The following PTER variants were observed in gnomAD, a reference collection of about 807,000 sequenced individuals.
PTER encodes phosphotriesterase related.
A neutral mutation model predicts 29.6 loss-of-function variants in PTER; 38 were observed. The observed-to-expected ratio is 1.28, with a 90% CI of 0.99 to 1.68. The LOEUF (loss-of-function observed/expected upper bound fraction) is 1.68, where lower values mean the gene tolerates loss of function less well. Among genes scored for constraint, PTER ranks in the 40% most tolerant of loss-of-function variants. PTER has a pLI of 0.00. For missense variants in PTER, 482 were observed against 427.8 expected (o/e 1.13, Z -1.12); for synonymous variants, 172 against 154.5 (o/e 1.11, Z -0.84).
downstream of PTER, among the ~76,000 whole-genome samples, chr10:16,516,722 A>G (rs141157185): frequency 2.0e-3 from 308 of 152,324 alleles, 1 homozygote; most frequent in African/African-American, 7.3e-3. Flanking sequence ...CCAGGGTGTA[A>G]CCACAAAACC....
chr10:16,518,118 A>G (rs991053772), downstream of PTER, among the ~76,000 whole-genome samples: 8 of 152,226 alleles, frequency 5.3e-5, no homozygotes, highest in African/African-American at 1.9e-4. Flanking sequence ...GGAACCTGCC[A>G]TTCTAAGAAG....
intron 1 of PTER, among the ~76,000 whole-genome samples, chr10:16,442,740 G>C (rs1416421076): frequency 6.6e-6 from 1 of 152,188 alleles, no homozygotes; most frequent in East Asian, 1.9e-4. Flanking sequence ...AGCACTTTGG[G>C]AGACCAAGGC....
At chr10:16,466,880 A>G (rs963606946) in intron 1 of PTER, among the ~76,000 whole-genome samples, 28 of 152,298 alleles carry the variant, frequency 1.8e-4, no homozygotes, top group African/African-American at 6.3e-4. Flanking sequence ...AGGATGGTCT[A>G]TACATTTAAA....
intron 4 of PTER, among the ~76,000 whole-genome samples, chr10:16,507,562 C>T (rs1836624176): frequency 6.6e-6 from 1 of 152,174 alleles, no homozygotes; most frequent in African/African-American, 2.4e-5. Context: ...TCCTGAGGAT[C>T]TTTCCCTGGG....
chr10:16,470,743 G>A (rs1290666945), intron 1 of PTER, among the ~76,000 whole-genome samples: 2 of 152,142 alleles, frequency 1.3e-5, no homozygotes, highest in African/African-American at 4.8e-5. Flanking sequence ...ACTCCAGCCT[G>A]GGTGACAGAG....
intron 3 of PTER, among the ~76,000 whole-genome samples, chr10:16,497,562 T>G (rs1836160935): frequency 6.6e-6 from 1 of 152,228 alleles, no homozygotes; most frequent in African/African-American, 2.4e-5. Context: ...TGTTTCAATG[T>G]GTGAAATGAA....
At chr10:16,458,070 TTG>T (rs1834477167) in intron 1 of PTER, among the ~76,000 whole-genome samples, 1 of 152,206 alleles carries the variant, frequency 6.6e-6, no homozygotes. Context: ...TTTATTAGTG[TTG>T]TATGAACTGT....
chr10:16,509,859 C>G (rs1836742955), intron 4 of PTER, among the ~76,000 whole-genome samples: 1 of 152,226 alleles, frequency 6.6e-6, no homozygotes, highest in African/African-American at 2.4e-5. Flanking sequence ...GATACAAAGT[C>G]TATTCTTCCA....
intron 1 of PTER, among the ~76,000 whole-genome samples, chr10:16,439,579 G>A (rs1025921697): frequency 6.6e-6 from 1 of 152,178 alleles, no homozygotes; most frequent in Admixed American, 6.5e-5. Context: ...AAGACAAAAT[G>A]ATGAACTGTA....
At chr10:16,467,552 C>A (rs1229613154) in intron 1 of PTER, among the ~76,000 whole-genome samples, 1 of 152,160 alleles carries the variant, frequency 6.6e-6, no homozygotes, top group Non-Finnish European at 1.5e-5. Flanking sequence ...TGACTCATGC[C>A]TGTAATCCCA....
intron 1 of PTER, among the ~76,000 whole-genome samples, chr10:16,469,509 G>T (rs1437782502): frequency 1.4e-5 from 2 of 142,584 alleles, no homozygotes; most frequent in Non-Finnish European, 3.0e-5. Flanking sequence ...GAGAATGAAG[G>T]GGAAAAGGAA....
chr10:16,507,472 A>G (rs1383393452), intron 4 of PTER, among the ~76,000 whole-genome samples: 1 of 152,146 alleles, frequency 6.6e-6, no homozygotes, highest in Non-Finnish European at 1.5e-5. Flanking sequence ...TCCAGGAACC[A>G]TGAGATTCAA....
intron 1 of PTER, among the ~76,000 whole-genome samples, chr10:16,481,329 T>G (rs1349071600): frequency 6.6e-6 from 1 of 152,244 alleles, no homozygotes; most frequent in Non-Finnish European, 1.5e-5. Context: ...CCTTACCTTC[T>G]TCCTTGTTCT....
intron 4 of PTER, among the ~76,000 whole-genome samples, chr10:16,509,541 A>G (rs911134892): frequency 2.0e-5 from 3 of 152,218 alleles, no homozygotes; most frequent in African/African-American, 7.2e-5. Flanking sequence ...AATATCAGGG[A>G]GAAAGTGTTT....
At position 16,484,409 on chromosome 10, in the gene PTER, C is replaced by A; in HGVS notation, c.25C>A (p.Gln9Lys). Residue 9 changes from glutamine to lysine, a missense_variant, in exon 2 of 5, where the codon CAA (glutamine) becomes AAA (lysine). Transcript: ENST00000535784. MSSLSGKV[Q>K]TVLGLVEPSK... is the part of the protein sequence containing the mutation. ...AATGTCTTCCTTAAGTGGAAAAGTC[C>A]AAACCGTTTTGGGCCTTGTAGAGCC... 2 of 1,596,602 alleles carry A rather than the reference C, an allele frequency of 1.3e-6. No individual in the cohort carries two copies. The highest frequency in any genetic ancestry group is 1.7e-6 in the Non-Finnish European group (2 of 1,175,276).
Position 16,513,371 on chromosome 10 carries a change from C to T in PTER, c.*2115C>T, listed in dbSNP as rs1564415709. ...TTAAAATTTTGAGGCTATACAGCCA[C>T]TGTGCCCTGTGGAATAAAGCCATAT... On this transcript the variant is annotated 3_prime_UTR_variant, in exon 5 of 5. Coordinates refer to ENST00000535784, the MANE Select transcript of PTER (RefSeq NM_001261836.2). The T allele has an allele frequency of 1.3e-5, 2 of 152,372 alleles. No individual in the cohort carries two copies. The highest frequency in any genetic ancestry group is 2.9e-5 in the Non-Finnish European group (2 of 67,952). The allele number at this position is 152,372 out of a possible 1,614,324, so 9.4% of individuals were successfully genotyped here.
chr10:16,480,043 C>T (rs1425517893), intron 1 of PTER, among the ~76,000 whole-genome samples: 4 of 134,844 alleles, frequency 3.0e-5, no homozygotes, highest in African/African-American at 1.1e-4. Flanking sequence ...TGGCAAAGAC[C>T]GTGATTACAT....
At chr10:16,456,227 T>C (rs1056939315) in intron 1 of PTER, among the ~76,000 whole-genome samples, 1 of 152,196 alleles carries the variant, frequency 6.6e-6, no homozygotes, top group African/African-American at 2.4e-5. Context: ...TATCCATCCA[T>C]CCATAAACAT....
chr10:16,493,313 G>A (rs1489520611), intron 3 of PTER, among the ~76,000 whole-genome samples: 2 of 152,182 alleles, frequency 1.3e-5, no homozygotes, highest in Admixed American at 6.5e-5. Flanking sequence ...TCGTGATATC[G>A]TTAAGTAGTA....
Sources: gnomAD v4.1 joint callset for allele counts (sites outside exome capture counted in the v4.1 genomes callset) on GRCh38, gnomAD v4.1.1 for gene constraint, MANE v1.5 for transcripts, NCBI Gene and HGNC (gene_info 2026-07-23, HGNC 2026-07-21) for gene names.